PRKCA: variants seen among roughly 807,000 people sequenced by gnomAD.
PRKCA encodes protein kinase C alpha type.
In PRKCA, 27 loss-of-function variants were observed where a neutral mutation model predicts 87.0. The observed-to-expected ratio is 0.31, with a 90% CI of 0.23 to 0.43. The LOEUF (loss-of-function observed/expected upper bound fraction) is 0.43, where lower values mean the gene tolerates loss of function less well. PRKCA is among the 20% of genes least tolerant of loss of function. The probability of loss-of-function intolerance (pLI) is 1.00; values close to 1 mark genes in which losing one functional copy is unlikely to be tolerated. For synonymous variants in PRKCA, 329 were observed against 311.1 expected, an observed-to-expected ratio of 1.06 and a Z score of -0.61; for missense variants, 518 against 852.3, an observed-to-expected ratio of 0.61 and a Z score of 4.88.
chr17:66,724,783 C>G (rs1471998864), intron 8 of PRKCA, among the ~76,000 whole-genome samples: 1 of 152,178 alleles, frequency 6.6e-6, no homozygotes, highest in Non-Finnish European at 1.5e-5. Context: ...AGCTTTATCC[C>G]TAGACGTATA....
chr17:66,704,067 A>G (rs997696115), intron 8 of PRKCA, among the ~76,000 whole-genome samples: 1 of 152,030 alleles, frequency 6.6e-6, no homozygotes, highest in African/African-American at 2.4e-5. Flanking sequence ...TTATGGGACC[A>G]CCATCATTTA....
At chr17:66,308,872 A>G (rs1904953968) in intron 2 of PRKCA, among the ~76,000 whole-genome samples, 1 of 145,704 alleles carries the variant, frequency 6.9e-6, no homozygotes, top group Non-Finnish European at 1.5e-5. Context: ...TTTTCTTTTA[A>G]TGCTCTCTAA....
At chr17:66,775,436 G>A in intron 14 of PRKCA, 2 of 985,402 alleles carry the variant, frequency 2.0e-6, no homozygotes, top group Non-Finnish European at 2.4e-6. Context: ...GACACAAAGA[G>A]GCAGGAAGTA....
chr17:66,787,623 A>C (rs1439349991), intron 15 of PRKCA, among the ~76,000 whole-genome samples: 1 of 152,184 alleles, frequency 6.6e-6, no homozygotes, highest in African/African-American at 2.4e-5. Flanking sequence ...ATCTTCACAA[A>C]ATGAATCCAC....
intron 8 of PRKCA, among the ~76,000 whole-genome samples, chr17:66,691,414 G>C (rs1366194580): frequency 6.6e-6 from 1 of 152,120 alleles, no homozygotes; most frequent in East Asian, 1.9e-4. Flanking sequence ...AATATTTAGA[G>C]GAATTCAAGT....
At position 66,786,872 on chromosome 17, in the gene PRKCA, A is replaced by G. The variant is rs1233822115; in HGVS notation, c.1611A>G (p.Pro537=). 6.2e-7 allele frequency: 1 copy of G among 1,613,500 alleles called. No individual in the cohort carries two copies. The highest frequency in any genetic ancestry group is 2.2e-5 in the East Asian group (1 of 44,876). The change falls in exon 15 of 17, where the codon CCA becomes CCG. Residue 537 remains proline, a synonymous_variant. Coordinates refer to ENST00000413366, the MANE Select transcript of PRKCA (RefSeq NM_002737.3). ...LLYEMLAGQP[P]FDGEDEDELF... Reference sequence around the variant, plus strand: ...TTTCTTTTTTTCCGGAACAGCCTCCATTTGATGGTGAAGATGAAGACGAGC... The same window carrying G: ...TTTCTTTTTTTCCGGAACAGCCTCCGTTTGATGGTGAAGATGAAGACGAGC...
intron 13 of PRKCA, among the ~76,000 whole-genome samples, chr17:66,754,297 A>G (rs1974500768): frequency 6.6e-6 from 1 of 152,036 alleles, no homozygotes; most frequent in Non-Finnish European, 1.5e-5. Flanking sequence ...GGAGGAATAA[A>G]GGCCCCAGAG....
intron 2 of PRKCA, among the ~76,000 whole-genome samples, chr17:66,314,319 A>G (rs1473401754): frequency 6.6e-6 from 1 of 152,196 alleles, no homozygotes; most frequent in Non-Finnish European, 1.5e-5. Flanking sequence ...AAACTGTGAA[A>G]TCTCATGCTA....
intron 2 of PRKCA, among the ~76,000 whole-genome samples, chr17:66,372,248 G>A (rs571163475): frequency 2.0e-5 from 3 of 152,298 alleles, no homozygotes; most frequent in South Asian, 2.1e-4. Flanking sequence ...TTAGTCCAGC[G>A]TCTTGGATGC....
intron 10 of PRKCA, 69 bp from the exon 11 acceptor site, chr17:66,738,695 C>A: frequency 8.0e-7 from 1 of 1,251,604 alleles, no homozygotes; most frequent in Non-Finnish European, 1.2e-6. Context: ...AAAACACAAC[C>A]TGTGAAGAGC....
chr17:66,494,212 T>TAGCGTATG (rs1916367331), intron 2 of PRKCA, among the ~76,000 whole-genome samples: 1 of 152,158 alleles, frequency 6.6e-6, no homozygotes, highest in African/African-American at 2.4e-5. Flanking sequence ...GAGGAGAAAA[T>TAGCGTATG]AGCGTATGAG....
chr17:66,452,168 G>A (rs1353987483), intron 2 of PRKCA, among the ~76,000 whole-genome samples: 3 of 152,176 alleles, frequency 2.0e-5, no homozygotes, highest in Admixed American at 2.0e-4. Context: ...AATACTGCCG[G>A]TGGCTTCATT....
chr17:66,431,778 G>C (rs1376404533), intron 2 of PRKCA, among the ~76,000 whole-genome samples: 1 of 152,190 alleles, frequency 6.6e-6, no homozygotes, highest in African/African-American at 2.4e-5. Flanking sequence ...CTGGTTGCCA[G>C]CTCTGTCCCT....
chr17:66,617,962 G>C (rs565833917), intron 3 of PRKCA, among the ~76,000 whole-genome samples: 1 of 152,142 alleles, frequency 6.6e-6, no homozygotes, highest in Admixed American at 6.5e-5. Context: ...TTGCCCCAAC[G>C]TGGTGCCCTG....
intron 2 of PRKCA, among the ~76,000 whole-genome samples, chr17:66,373,146 G>A (rs1462158584): frequency 6.6e-6 from 1 of 152,118 alleles, no homozygotes; most frequent in African/African-American, 2.4e-5. Flanking sequence ...AAAATGTAGT[G>A]TATTTGCTGT....
intron 8 of PRKCA, among the ~76,000 whole-genome samples, chr17:66,709,298 TTTC>T (rs1406198245): frequency 2.2e-5 from 3 of 135,238 alleles, no homozygotes; most frequent in African/African-American, 8.6e-5. Context: ...TTTGAGATGA[TTTC>T]TTTTTTTTTT....
chr17:66,498,046 G>A (rs1056082290), intron 3 of PRKCA, among the ~76,000 whole-genome samples: 1 of 152,050 alleles, frequency 6.6e-6, no homozygotes, highest in Non-Finnish European at 1.5e-5. Context: ...TAACTTCATG[G>A]ACAAGGAAGC....
chr17:66,534,746 C>T (rs1489163046), intron 3 of PRKCA, among the ~76,000 whole-genome samples: 1 of 152,146 alleles, frequency 6.6e-6, no homozygotes, highest in Non-Finnish European at 1.5e-5. Flanking sequence ...AAACTTGTAA[C>T]ATGAGGGAAA....
intron 16 of PRKCA, among the ~76,000 whole-genome samples, chr17:66,800,108 T>C (rs183938602): frequency 6.6e-6 from 1 of 152,356 alleles, no homozygotes; most frequent in Admixed American, 6.5e-5. Flanking sequence ...AGTGGTTCAG[T>C]TTCTACTGTT....
Sources: allele counts gnomAD v4.1 joint callset (sites outside exome capture counted in the v4.1 genomes callset), GRCh38; gene constraint gnomAD v4.1.1; transcripts MANE v1.5; gene names NCBI Gene and HGNC (gene_info 2026-07-23, HGNC 2026-07-21).